The following GALNT2 variants were observed in gnomAD, a reference collection of about 807,000 sequenced individuals.
GALNT2 encodes the protein polypeptide N-acetylgalactosaminyltransferase 2.
GALNT2 carries 31 observed loss-of-function variants against 81.4 expected under a neutral mutation model. The ratio of observed to expected loss-of-function variants is 0.38; its 90% CI spans 0.29 to 0.51. The LOEUF is 0.51. Among genes scored for constraint, GALNT2 ranks in the 20% least tolerant of loss-of-function variants. The probability of loss-of-function intolerance (pLI) is 0.87; values close to 1 mark genes in which losing one functional copy is unlikely to be tolerated. For missense variants in GALNT2, 629 were observed against 765.7 expected, an observed-to-expected ratio of 0.82 and a Z score of 2.11; for synonymous variants, 303 against 287.4, an observed-to-expected ratio of 1.05 and a Z score of -0.55.
intron 1 of GALNT2, among the ~76,000 whole-genome samples, chr1:230,147,304 G>A (rs150184785): frequency 1.3e-5 from 2 of 152,256 alleles, no homozygotes; most frequent in South Asian, 2.1e-4. Flanking sequence ...TTCCAAGATC[G>A]ACCGTGAATT....
intron 2 of GALNT2, among the ~76,000 whole-genome samples, chr1:230,194,953 C>T (rs1663642603): frequency 6.6e-6 from 1 of 152,226 alleles, no homozygotes; most frequent in Admixed American, 6.5e-5. Flanking sequence ...AGCATCCCAG[C>T]TCTGCGGGGA....
intron 3 of GALNT2, among the ~76,000 whole-genome samples, chr1:230,223,419 A>G (rs73114053): frequency 1.1e-3 from 160 of 150,828 alleles, no homozygotes; most frequent in African/African-American, 3.7e-3. Context: ...TTTTAAGCCA[A>G]CCTGATGGTC....
At chr1:230,141,370 A>G (rs988383373) in intron 1 of GALNT2, among the ~76,000 whole-genome samples, 1 of 152,152 alleles carries the variant, frequency 6.6e-6, no homozygotes, top group African/African-American at 2.4e-5. Flanking sequence ...TTAAATTTAC[A>G]GCTCAGTATC....
intron 1 of GALNT2, among the ~76,000 whole-genome samples, chr1:230,106,950 C>A (rs1344683569): frequency 2.0e-5 from 3 of 152,236 alleles, no homozygotes; most frequent in Non-Finnish European, 4.4e-5. Flanking sequence ...GGCCCATGGG[C>A]TCCTTGTAGC....
At chr1:230,097,169 G>A (rs1422696071) in intron 1 of GALNT2, among the ~76,000 whole-genome samples, 2 of 152,126 alleles carry the variant, frequency 1.3e-5, no homozygotes, top group Non-Finnish European at 2.9e-5. Flanking sequence ...AACACTGAGC[G>A]GTTTGCTCAG....
intron 11 of GALNT2, among the ~76,000 whole-genome samples, chr1:230,260,666 G>A (rs1427086561): frequency 1.3e-5 from 2 of 152,144 alleles, no homozygotes; most frequent in Admixed American, 1.3e-4. Context: ...ATAGGTTAAG[G>A]CATAGGTCAC....
intron 1 of GALNT2, among the ~76,000 whole-genome samples, chr1:230,082,516 C>G (rs141801350): frequency 6.6e-6 from 1 of 152,246 alleles, no homozygotes; most frequent in Admixed American, 6.5e-5. Context: ...TGTGCCATTC[C>G]TCCTGCAGCC....
intron 1 of GALNT2, among the ~76,000 whole-genome samples, chr1:230,084,425 G>C (rs530232087): frequency 2.2e-4 from 34 of 151,906 alleles, no homozygotes; most frequent in Non-Finnish European, 4.1e-4. Flanking sequence ...GAATGAACTT[G>C]GCATGTCTGG....
In GALNT2 at chr1:230,200,536, C is replaced by G. The variant is rs376355076; in HGVS notation, c.221-2601C>G. Among the ~76,000 whole-genome samples the G allele has an allele frequency of 7.2e-4, 110 of 152,330 alleles. 1 individual carries two copies. In the South Asian group the frequency reaches 0.022, roughly 30 times the overall value. ...AGGGTCTGAGCTGCCCTGTGAATGACTGGCATTAGACATCTTGCAAACCCT... is the reference window on the plus strand; with the variant it reads ...AGGGTCTGAGCTGCCCTGTGAATGAGTGGCATTAGACATCTTGCAAACCCT... On this transcript the variant is annotated intron_variant, in intron 2 of 15. Coordinates refer to ENST00000366672, the MANE Select transcript of GALNT2 (RefSeq NM_004481.5).
chr1:230,132,075 CTCT>C (rs67523014), intron 1 of GALNT2, among the ~76,000 whole-genome samples: 20,980 of 152,022 alleles, frequency 0.14, 1,487 homozygotes, highest in South Asian at 0.23. Context: ...TGCCTTTTTC[CTCT>C]TCTTCTTCTC....
At chr1:230,080,864 A>G (rs1399631514) in intron 1 of GALNT2, among the ~76,000 whole-genome samples, 2 of 152,238 alleles carry the variant, frequency 1.3e-5, no homozygotes, top group African/African-American at 4.8e-5. Context: ...TGGTACATAC[A>G]TAGTAAGTGC....
chr1:230,241,220 T>C (rs1336677629), intron 6 of GALNT2, among the ~76,000 whole-genome samples: 1 of 152,222 alleles, frequency 6.6e-6, no homozygotes, highest in African/African-American at 2.4e-5. Context: ...ACTTTTTTTC[T>C]CTTTGATGTG....
chr1:230,266,314 T>A (rs1234305545), intron 14 of GALNT2, among the ~76,000 whole-genome samples: 64 of 152,246 alleles, frequency 4.2e-4, no homozygotes, highest in African/African-American at 1.3e-3. Flanking sequence ...CTAAAAACAG[T>A]TTTCCCATGA....
Position 230,279,501 on chromosome 1 carries a change from G to A in GALNT2, c.*43G>A. On this transcript the variant is annotated 3_prime_UTR_variant, in exon 16 of 16. Coordinates refer to ENST00000366672, the MANE Select transcript of GALNT2 (RefSeq NM_004481.5). This position sits in a 1 kb window ranked among gnomAD's most constrained non-coding sequence, Gnocchi z 4.6. ...TGCCGTCCTGTCTCCTGCACCATTGGGTGGAGTCTGGTGATCACATTATTG... is the reference window on the plus strand; with the variant it reads ...TGCCGTCCTGTCTCCTGCACCATTGAGTGGAGTCTGGTGATCACATTATTG... The A allele has an allele frequency of 1.9e-6, 3 of 1,586,534 alleles. No homozygotes were observed. The highest frequency in any genetic ancestry group is 2.6e-6 in the Non-Finnish European group (3 of 1,163,590).
chr1:230,101,414 G>C (rs1660401309), intron 1 of GALNT2, among the ~76,000 whole-genome samples: 1 of 152,180 alleles, frequency 6.6e-6, no homozygotes, highest in African/African-American at 2.4e-5. Context: ...CCGTGTTCTG[G>C]TCACTCGTGT....
intron 1 of GALNT2, among the ~76,000 whole-genome samples, chr1:230,092,758 C>T (rs16850896): frequency 0.033 from 5,044 of 152,058 alleles, 288 homozygotes; most frequent in African/African-American, 0.11. Context: ...TAAAAAGATT[C>T]GAGGCCGCTT....
At chr1:230,241,425 A>G (rs1337377401) in intron 6 of GALNT2, among the ~76,000 whole-genome samples, 1 of 149,608 alleles carries the variant, frequency 6.7e-6, no homozygotes, top group Admixed American at 6.7e-5. Context: ...TGCTAGGATG[A>G]GTATGGTTTT....
At chr1:230,206,056 A>G (rs1461650468) in intron 3 of GALNT2, among the ~76,000 whole-genome samples, 1 of 152,180 alleles carries the variant, frequency 6.6e-6, no homozygotes, top group Non-Finnish European at 1.5e-5. Context: ...ACTTCAGTCG[A>G]CTGCTTGGCA....
intron 3 of GALNT2, among the ~76,000 whole-genome samples, chr1:230,223,063 T>G (rs1011689632): frequency 6.6e-6 from 1 of 152,228 alleles, no homozygotes; most frequent in South Asian, 2.1e-4. Context: ...GATAAAAGCA[T>G]TTGAAACTCA....
Sources: allele counts gnomAD v4.1 joint callset (sites outside exome capture counted in the v4.1 genomes callset), GRCh38; gene constraint gnomAD v4.1.1; non-coding constraint Gnocchi (gnomAD v3.1); transcripts MANE v1.5; gene names NCBI Gene and HGNC (gene_info 2026-07-23, HGNC 2026-07-21).